Variants in PLAUR observed in about 807,000 individuals in gnomAD.
The protein encoded by PLAUR is plasminogen activator, urokinase receptor, also known as urokinase plasminogen activator surface receptor.
In PLAUR, 22 loss-of-function variants were observed where a neutral mutation model predicts 33.4. The ratio of observed to expected loss-of-function variants is 0.66; its 90% CI spans 0.47 to 0.94. The LOEUF (loss-of-function observed/expected upper bound fraction) is 0.94. Ranked by LOEUF, PLAUR falls within the 40% of genes least tolerant of loss-of-function variation. The pLI is 0.00. For missense variants in PLAUR, 408 were observed against 434.7 expected (o/e 0.94, Z 0.55); for synonymous variants, 148 against 167.3 (o/e 0.88, Z 0.89).
In PLAUR at chr19:43,655,577, T is replaced by C. The variant is rs1974176464; in HGVS notation, c.473-4A>G. On this transcript the variant is annotated splice_polypyrimidine_tract_variant and splice_region_variant and intron_variant, in intron 4 of 6. Coordinates refer to ENST00000340093, the MANE Select transcript of PLAUR (RefSeq NM_002659.4). ...TGGCGGTCATCCTTTGGACGCCCTATGGGGGCCAGGGGACAGAGGTCAGAT... is the reference window on the plus strand; with the variant it reads ...TGGCGGTCATCCTTTGGACGCCCTACGGGGGCCAGGGGACAGAGGTCAGAT... The C allele has an allele frequency of 6.2e-7, 1 of 1,613,574 alleles. No individual in the cohort carries two copies. Among genetic ancestry groups the C allele is most frequent in the African/African-American group, 1.3e-5 (1 of 75,044 alleles).
chr19:43,665,137 G>A (rs775934044), intron 3 of PLAUR, 179 bp downstream of exon 3: 19 of 620,978 alleles, frequency 3.1e-5, no homozygotes, highest in Non-Finnish European at 5.2e-5. Context: ...GTTGGATATG[G>A]GGTCAAGAAT....
At chr19:43,646,811 T>TG (rs752809421), downstream of PLAUR, among the ~76,000 whole-genome samples, 130 of 128,274 alleles carry the variant, frequency 1.0e-3, 1 homozygote, top group East Asian at 3.1e-3. Flanking sequence ...TTTTTTTTTT[T>TG]GGGGATAGTC....
At chr19:43,655,395 C>A (rs749653482) in intron 5 of PLAUR, 44 bp downstream of exon 5, 1 of 1,603,732 alleles carries the variant, frequency 6.2e-7, no homozygotes, top group South Asian at 1.1e-5. Flanking sequence ...TGAGTGCATG[C>A]CCCTGCCCGA....
chr19:43,653,073 A>G (rs995734774), intron 5 of PLAUR, among the ~76,000 whole-genome samples: 1 of 152,136 alleles, frequency 6.6e-6, no homozygotes, highest in East Asian at 1.9e-4. Flanking sequence ...TCCGCCTCCA[A>G]AAGTGCTGGG....
chr19:43,665,062 G>C, intron 3 of PLAUR: 2 of 518,718 alleles, frequency 3.9e-6, no homozygotes, highest in South Asian at 4.8e-5. Flanking sequence ...GGCTGGGTTT[G>C]AGTTGGGAAC....
intron 6 of PLAUR, chr19:43,651,660 C>T (rs1485615659): frequency 4.0e-6 from 1 of 251,282 alleles, no homozygotes; most frequent in African/African-American, 2.3e-5. Flanking sequence ...TGCTCTCATA[C>T]TCCTGACCTC....
At chr19:43,649,666 A>C (rs1973910451) in intron 6 of PLAUR, among the ~76,000 whole-genome samples, 1 of 150,212 alleles carries the variant, frequency 6.7e-6, no homozygotes, top group African/African-American at 2.4e-5. Context: ...AGGAAGGAGA[A>C]GGGAAAGAAG....
At chr19:43,666,259 C>G (rs1352182579) in intron 2 of PLAUR, among the ~76,000 whole-genome samples, 1 of 152,000 alleles carries the variant, frequency 6.6e-6, no homozygotes, top group Non-Finnish European at 1.5e-5. Flanking sequence ...GTTCTTAAAG[C>G]TTATAAAAAA....
chr19:43,659,629 A>T (rs397374), intron 3 of PLAUR, among the ~76,000 whole-genome samples: 42,090 of 152,036 alleles, frequency 0.28, 6,441 homozygotes, highest in East Asian at 0.67. Context: ...GCTATACCTC[A>T]AACACCTGTC....
rs973206099 is a variant in PLAUR, at chr19:43,668,406, G to A, written c.56-715C>T. On this transcript the variant is annotated intron_variant, in intron 1 of 6. Coordinates refer to ENST00000340093, the MANE Select transcript of PLAUR (RefSeq NM_002659.4). ...CCTGACCTTATCTTCCCGCCCCCTA[G>A]CTCCTCCCCGATGCCATAACCCCGC... 1.7e-5 allele frequency: 11 copies of A among 634,120 alleles called. No homozygotes were observed. The African/African-American group carries it at 2.3e-4, about 13-fold the overall frequency. The allele number at this position is 634,120 out of a possible 1,614,324, so 39.3% of individuals were successfully genotyped here.
At chr19:43,660,177 T>TTGTTTTGTTC (rs1966910789) in intron 3 of PLAUR, among the ~76,000 whole-genome samples, 8 of 152,066 alleles carry the variant, frequency 5.3e-5, no homozygotes, top group African/African-American at 1.9e-4. Context: ...TTGTTTTGTT[T>TTGTTTTGTTC]TGTTTTGAGA....
downstream of PLAUR, chr19:43,646,221 G>A (rs996784279): frequency 2.3e-6 from 1 of 439,946 alleles, no homozygotes; most frequent in South Asian, 2.5e-5. Flanking sequence ...CTACAGGCAT[G>A]AGCCACTGTG....
intron 1 of PLAUR, chr19:43,668,184 T>C: frequency 4.0e-6 from 4 of 987,812 alleles, no homozygotes; most frequent in Non-Finnish European, 4.8e-6. Context: ...CCCCTGGTTC[T>C]ACCCGGCTCC....
At position 43,649,097 on chromosome 19, in the gene PLAUR, T is replaced by G; in HGVS notation, c.801A>C (p.Ser267=). Residue 267 remains serine, a synonymous_variant, in exon 7 of 7, where the codon TCA becomes TCC. Transcript: ENST00000340093. ...SYMVRGCATA[S]MCQHAHLGDA... ...CACCCAGGTGGGCATGTTGGCACAT[T>G]GAGGCGGTTGCACAGCCTCTTACCA... 6.2e-7 allele frequency: 1 copy of G among 1,614,092 alleles called. No individual in the cohort carries two copies. Among genetic ancestry groups the G allele is most frequent in the East Asian group, 2.2e-5 (1 of 44,876 alleles).
At chr19:43,655,362 G>C (rs1974162730) in intron 5 of PLAUR, 77 bp downstream of exon 5, 2 of 1,440,794 alleles carry the variant, frequency 1.4e-6, no homozygotes, top group African/African-American at 1.4e-5. Flanking sequence ...GATTGCCAGA[G>C]AGTGACTGCG....
At chr19:43,665,589 CTCTGTCTTTT>C (rs1660166093) in intron 2 of PLAUR, 130 bp from the exon 3 acceptor site, 3 of 763,740 alleles carry the variant, frequency 3.9e-6, no homozygotes, top group Non-Finnish European at 6.1e-6. Context: ...TTGAGTCGAA[CTCTGTCTTTT>C]TCTAGAGTTA....
chr19:43,647,472 G>C (rs965615884), downstream of PLAUR, among the ~76,000 whole-genome samples: 4 of 152,196 alleles, frequency 2.6e-5, no homozygotes, highest in African/African-American at 9.6e-5. Flanking sequence ...TAGAAGGTTA[G>C]TGTTCAGTGT....
intron 6 of PLAUR, among the ~76,000 whole-genome samples, chr19:43,650,320 TG>T (rs1568551061): frequency 6.6e-6 from 1 of 150,690 alleles, no homozygotes; most frequent in Non-Finnish European, 1.5e-5. Context: ...GTTTTTTTTT[TG>T]TTGTTTCTTT....
At chr19:43,661,370 C>G (rs761202208) in intron 3 of PLAUR, 1 of 149,246 alleles carries the variant, frequency 6.7e-6, no homozygotes, top group Non-Finnish European at 1.5e-5. Context: ...GAGATTGTAG[C>G]GCCTCAAGTT....
Sources: gnomAD v4.1 joint callset for allele counts (sites outside exome capture counted in the v4.1 genomes callset) on GRCh38, gnomAD v4.1.1 for gene constraint, MANE v1.5 for transcripts, NCBI Gene and HGNC (gene_info 2026-07-23, HGNC 2026-07-21) for gene names.